The following LARGE1 variants were observed in gnomAD, a reference collection of about 807,000 sequenced individuals.
The protein encoded by LARGE1 is xylosyl- and glucuronyltransferase LARGE1.
In LARGE1, 43 loss-of-function variants were observed where a neutral mutation model predicts 87.6. The observed-to-expected ratio is 0.49, with a 90% CI of 0.38 to 0.63. LARGE1 has a LOEUF of 0.63. Ranked by LOEUF, LARGE1 falls within the 30% of genes least tolerant of loss-of-function variation. The probability of loss-of-function intolerance (pLI) is 0.00; values close to 1 mark genes in which losing one functional copy is unlikely to be tolerated. For synonymous variants in LARGE1, 434 were observed against 394.6 expected (o/e 1.10, Z -1.18); for missense variants, 802 against 1,000.2 (o/e 0.80, Z 2.67).
At position 33,382,012 on chromosome 22, in the gene LARGE1, G is replaced by C. The variant is rs1218154490; in HGVS notation, c.1038C>G (p.Pro346=). ...AGCAGGGGAGCTGGTACACAAGGAA[G>C]GGGTTTTGTTTGATGACGGCATTGA... The part of the protein sequence containing the change: ...DIFNAVIKQN[P]FLVYQLPCFW... The change falls in exon 9 of 15, where the codon CCC becomes CCG. Residue 346 remains proline (P), a synonymous_variant. Coordinates refer to ENST00000397394, the MANE Select transcript of LARGE1 (RefSeq NM_133642.5). The C allele has an allele frequency of 1.2e-6, 2 of 1,614,054 alleles. No homozygotes were observed. Among genetic ancestry groups the C allele is most frequent in the African/African-American group, 2.7e-5 (2 of 74,932 alleles).
At chr22:33,510,930 C>T (rs1051859726) in intron 6 of LARGE1, among the ~76,000 whole-genome samples, 2 of 152,208 alleles carry the variant, frequency 1.3e-5, no homozygotes, top group East Asian at 1.9e-4. Context: ...ATGCCCCAGG[C>T]TCTCCAATGA....
chr22:33,323,898 G>T (rs1936982740), intron 10 of LARGE1, among the ~76,000 whole-genome samples: 1 of 152,156 alleles, frequency 6.6e-6, no homozygotes, highest in Non-Finnish European at 1.5e-5. Context: ...CTGACTGCGT[G>T]GCTAATGTTA....
chr22:33,078,473 T>C, the LARGE1 span, among the ~76,000 whole-genome samples: 1 of 152,196 alleles, frequency 6.6e-6, no homozygotes, highest in African/African-American at 2.4e-5. Flanking sequence ...CATGTACTGT[T>C]ATTATACCCA....
intron 9 of LARGE1, among the ~76,000 whole-genome samples, chr22:33,356,942 T>C (rs1233382416): frequency 6.6e-6 from 1 of 152,200 alleles, no homozygotes; most frequent in South Asian, 2.1e-4. Context: ...AGTATCTCTA[T>C]GGAAAACAGC....
In LARGE1 at chr22:33,284,659, C is replaced by T. The variant is rs183410595; in HGVS notation, c.1731-1311G>A. Among the ~76,000 whole-genome samples, 9 of 152,066 alleles carry T rather than the reference C, an allele frequency of 5.9e-5. No individual in the cohort carries two copies. The South Asian group carries it at 8.3e-4, about 14-fold the overall frequency. ...GTGGTGCAATCTTGGCTCACGGCAACCTCAGCCTCCCGGGTTCAAGCGATT... is the reference window on the plus strand; with the variant it reads ...GTGGTGCAATCTTGGCTCACGGCAATCTCAGCCTCCCGGGTTCAAGCGATT... On this transcript the variant is annotated intron_variant, in intron 12 of 14. Transcript: ENST00000397394.
chr22:33,458,745 T>C (rs2068246538), intron 6 of LARGE1, among the ~76,000 whole-genome samples: 1 of 152,114 alleles, frequency 6.6e-6, no homozygotes, highest in African/African-American at 2.4e-5. Context: ...ACTTTTTTAT[T>C]AGGAACTAAA....
In LARGE1 at chr22:33,580,497, A is replaced by C. The variant is rs370913411; in HGVS notation, c.616-15478T>G. 5.9e-5 allele frequency among the ~76,000 whole-genome samples: 9 copies of C among 152,312 alleles called. No homozygotes were observed. The East Asian group carries it at 1.3e-3, about 23-fold the overall frequency. On this transcript the variant is annotated intron_variant, in intron 5 of 14. Transcript: ENST00000397394. ...TCGAGCTGCTGGTTCATTCTGAATC[A>C]AGAAGGAAGAAATATTTCATTATGT...
At chr22:33,774,976 A>G (rs2085188220) in intron 1 of LARGE1, among the ~76,000 whole-genome samples, 1 of 152,198 alleles carries the variant, frequency 6.6e-6, no homozygotes, top group South Asian at 2.1e-4. Context: ...GGCTGGATAA[A>G]TAGCAGCAGG....
At chr22:33,241,067 G>A (rs76853021) in intron 11 of LARGE1, among the ~76,000 whole-genome samples, 1,961 of 152,178 alleles carry the variant, frequency 0.013, 34 homozygotes, top group African/African-American at 0.045. Flanking sequence ...TCCCATTTCC[G>A]GCTTCCATGA....
At chr22:33,869,150 T>C (rs1383742140) in intron 1 of LARGE1, among the ~76,000 whole-genome samples, 1 of 152,160 alleles carries the variant, frequency 6.6e-6, no homozygotes, top group African/African-American at 2.4e-5. Flanking sequence ...ATTCTGGCCC[T>C]CTCTTACCCT....
At chr22:33,387,011 G>C (rs1306527867) in intron 7 of LARGE1, among the ~76,000 whole-genome samples, 1 of 148,530 alleles carries the variant, frequency 6.7e-6, no homozygotes, top group Non-Finnish European at 1.5e-5. Context: ...GGCTGAGGCA[G>C]GAGAAGTGCT....
chr22:33,514,282 CCA>C (rs60301225), intron 6 of LARGE1, among the ~76,000 whole-genome samples: 102 of 147,930 alleles, frequency 6.9e-4, no homozygotes, highest in East Asian at 1.0e-3. Context: ...CTATGTGTGT[CCA>C]CACACACACA....
At chr22:33,728,423 C>T (rs1000476562) in intron 2 of LARGE1, among the ~76,000 whole-genome samples, 6 of 151,898 alleles carry the variant, frequency 4.0e-5, no homozygotes, top group Non-Finnish European at 8.8e-5. Context: ...CCTGTAATCC[C>T]AGCTACTCAG....
At chr22:33,557,827 G>C (rs1406330249) in intron 6 of LARGE1, among the ~76,000 whole-genome samples, 1 of 152,136 alleles carries the variant, frequency 6.6e-6, no homozygotes, top group Admixed American at 6.5e-5. Context: ...TTAGCCTCCT[G>C]AAGTGCTGGG....
At chr22:33,573,764 T>C (rs1007905179) in intron 5 of LARGE1, among the ~76,000 whole-genome samples, 1 of 152,136 alleles carries the variant, frequency 6.6e-6, no homozygotes, top group Non-Finnish European at 1.5e-5. Context: ...CGCTGGGTGG[T>C]TCTTAGGATT....
intron 10 of LARGE1, 150 bp downstream of exon 10, chr22:33,337,496 C>G (rs947830855): frequency 2.1e-5 from 18 of 855,036 alleles, no homozygotes; most frequent in Admixed American, 2.1e-4. Flanking sequence ...GTACCTCTCT[C>G]CCCGACTAGA....
At chr22:33,310,852 A>G (rs1277571968) in intron 11 of LARGE1, among the ~76,000 whole-genome samples, 1 of 151,986 alleles carries the variant, frequency 6.6e-6, no homozygotes, top group African/African-American at 2.4e-5. Flanking sequence ...ATGGTGATAC[A>G]TGTCACAATA....
intron 3 of LARGE1, among the ~76,000 whole-genome samples, chr22:33,645,794 A>G (rs1454253026): frequency 6.6e-6 from 1 of 152,248 alleles, no homozygotes; most frequent in Non-Finnish European, 1.5e-5. Context: ...ATGAAGAGAC[A>G]CTTCTCAAAA....
chr22:33,249,554 GC>G (rs1169982542), intron 11 of LARGE1, among the ~76,000 whole-genome samples: 1 of 152,136 alleles, frequency 6.6e-6, no homozygotes, highest in Non-Finnish European at 1.5e-5. Flanking sequence ...ATGAAGTCTA[GC>G]CTATTAGTTA....
Sources: gnomAD v4.1 joint callset for allele counts (sites outside exome capture counted in the v4.1 genomes callset) on GRCh38, gnomAD v4.1.1 for gene constraint, MANE v1.5 for transcripts, NCBI Gene and HGNC (gene_info 2026-07-23, HGNC 2026-07-21) for gene names.